TTL: variants seen among roughly 807,000 people sequenced by gnomAD.
The protein encoded by TTL is tubulin tyrosine ligase.
A neutral mutation model predicts 41.1 loss-of-function variants in TTL; 10 were observed. The observed-to-expected ratio is 0.24, with a 90% CI of 0.15 to 0.41. The LOEUF (loss-of-function observed/expected upper bound fraction) is 0.41, where lower values mean the gene tolerates loss of function less well. Ranked by LOEUF, TTL falls within the 10% of genes least tolerant of loss-of-function variation. The probability of loss-of-function intolerance (pLI) is 1.00; values close to 1 mark genes in which losing one functional copy is unlikely to be tolerated. For missense variants in TTL, 367 were observed against 460.4 expected (o/e 0.80, Z 1.86); for synonymous variants, 175 against 175.5 (o/e 1.00, Z 0.02).
At chr2:112,494,964 T>C (rs1574057471) in intron 3 of TTL, among the ~76,000 whole-genome samples, 1 of 152,198 alleles carries the variant, frequency 6.6e-6, no homozygotes, top group Admixed American at 6.5e-5. Context: ...AATCTAATCA[T>C]GTTACTTCCT....
chr2:112,499,565 G>C (rs1418433545), intron 3 of TTL, among the ~76,000 whole-genome samples: 1 of 152,172 alleles, frequency 6.6e-6, no homozygotes, highest in African/African-American at 2.4e-5. Flanking sequence ...ATAGGGCTTG[G>C]CAAAGAGTTC....
At chr2:112,500,319 T>TC (rs1681655122) in intron 3 of TTL, among the ~76,000 whole-genome samples, 1 of 151,844 alleles carries the variant, frequency 6.6e-6, no homozygotes, top group Non-Finnish European at 1.5e-5. Flanking sequence ...ACACCTGTAA[T>TC]CCCAGCACTT....
chr2:112,531,436 A>G lies in TTL; in HGVS notation c.*2641A>G, dbSNP rs1030152555. The G allele has an allele frequency of 2.2e-5, 5 of 229,650 alleles. No homozygotes were observed. Among genetic ancestry groups the G allele is most frequent in the African/African-American group, 8.9e-5 (4 of 45,132 alleles). 14.2% of individuals were successfully genotyped at this position (229,650 alleles called of 1,614,324 possible). ...ATTGCCTGACCCAGGGACTACCTCA[A>G]GGGCTTTTGATGAGGACAAGTGACA... On this transcript the variant is annotated 3_prime_UTR_variant, in exon 7 of 7. Transcript: ENST00000233336.
Position 112,510,497 on chromosome 2 carries a change from A to AT in TTL, c.875+7320dup, listed in dbSNP as rs577683843. On this transcript the variant is annotated intron_variant, in intron 5 of 6. Transcript: ENST00000233336. ...TATTTCTTTTTTTTTTTGAGATAGA[A>AT]TTTTGTTCTTATTGCCCAGGCTGGA... Among the ~76,000 whole-genome samples the AT allele has an allele frequency of 1.9e-3, 283 of 151,604 alleles. 1 individual carries two copies. The highest frequency in any genetic ancestry group is 6.5e-3 in the African/African-American group (267 of 41,294).
At chr2:112,493,343 A>T (rs1681442492) in intron 2 of TTL, among the ~76,000 whole-genome samples, 1 of 149,938 alleles carries the variant, frequency 6.7e-6, no homozygotes, top group South Asian at 2.1e-4. Flanking sequence ...GTTTTGTAGT[A>T]GCTTGAGCTG....
chr2:112,501,516 T>G (rs1287013476), intron 4 of TTL, among the ~76,000 whole-genome samples, 175 bp downstream of exon 4: 1 of 151,742 alleles, frequency 6.6e-6, no homozygotes, highest in African/African-American at 2.4e-5. Flanking sequence ...CTATTTTTCT[T>G]TCTTGTTTTT....
At chr2:112,490,228 C>T (rs1681345102) in intron 2 of TTL, among the ~76,000 whole-genome samples, 1 of 152,068 alleles carries the variant, frequency 6.6e-6, no homozygotes. Context: ...CCAGCCTGGC[C>T]AACATGGTGA....
At chr2:112,520,959 G>A (rs1682209875) in intron 6 of TTL, among the ~76,000 whole-genome samples, 1 of 152,040 alleles carries the variant, frequency 6.6e-6, no homozygotes, top group Non-Finnish European at 1.5e-5. Context: ...CAGGTGGGTG[G>A]GAGATGCCAT....
Position 112,536,465 on chromosome 2 carries a change from G to A in TTL, c.*7670G>A, listed in dbSNP as rs1682600123. The A allele has an allele frequency of 6.6e-6, 1 of 152,152 alleles. No homozygotes were observed. The highest frequency in any genetic ancestry group is 6.5e-5 in the Admixed American group (1 of 15,268). 9.4% of individuals were successfully genotyped at this position (152,152 alleles called of 1,614,324 possible). A position where few individuals can be genotyped will look rare whatever the true frequency, so the allele number is the denominator to read the frequency against. ...AAACAGTAACTCAAAGAGAAGTGGA[G>A]TAGCTATACTAATGTTAGACAACAT... is the stretch of plus-strand genomic sequence containing the variant. On this transcript the variant is annotated 3_prime_UTR_variant, in exon 7 of 7. Transcript: ENST00000233336.
rs1264894802 is a variant in TTL, at chr2:112,482,826, C to T, written c.157+325C>T. Among the ~76,000 whole-genome samples the T allele has an allele frequency of 6.6e-6, 1 of 152,174 alleles. No individual in the cohort carries two copies. The highest frequency in any genetic ancestry group is 2.4e-5 in the African/African-American group (1 of 41,460). Reference sequence around the variant, plus strand: ...CGCGAGTCTAGCGGCTCCCCCGGGCCGAAGCCCCCAGATTTGGCGGGTCCG... The same window carrying T: ...CGCGAGTCTAGCGGCTCCCCCGGGCTGAAGCCCCCAGATTTGGCGGGTCCG... On this transcript the variant is annotated intron_variant, in intron 1 of 6. Transcript: ENST00000233336. This position sits in a 1 kb window ranked among gnomAD's most constrained non-coding sequence, Gnocchi z 5.3.
Position 112,535,481 on chromosome 2 carries a change from ACT to A in TTL, c.*6688_*6689del. 1 of 152,322 alleles carries A rather than the reference ACT, an allele frequency of 6.6e-6. No individual in the cohort carries two copies. Among genetic ancestry groups the A allele is most frequent in the South Asian group, 2.1e-4 (1 of 4,830 alleles). The allele number at this position is 152,322 out of a possible 1,614,324, so 9.4% of individuals were successfully genotyped here. On this transcript the variant is annotated 3_prime_UTR_variant, in exon 7 of 7. Coordinates refer to ENST00000233336, the MANE Select transcript of TTL (RefSeq NM_153712.5). ...GCTCAACAAATTCTAAGCAGGAAAG[ACT>A]CAAAGAGTCCACCTCAAGACACACC...
intron 2 of TTL, among the ~76,000 whole-genome samples, chr2:112,489,560 A>G (rs537268512): frequency 1.3e-5 from 2 of 152,366 alleles, no homozygotes; most frequent in South Asian, 2.1e-4. Flanking sequence ...GATGTATTGA[A>G]TATATTGAAA....
chr2:112,519,543 T>G (rs1431436564), intron 5 of TTL, among the ~76,000 whole-genome samples: 4 of 145,272 alleles, frequency 2.8e-5, no homozygotes, highest in African/African-American at 1.0e-4. Context: ...CATCGTGAGG[T>G]CAACATGTTT....
intron 3 of TTL, among the ~76,000 whole-genome samples, chr2:112,495,148 A>T (rs114014842): frequency 6.6e-6 from 1 of 152,034 alleles, no homozygotes; most frequent in African/African-American, 2.4e-5. Flanking sequence ...GAATATTCCA[A>T]ACTTGTCTCT....
At chr2:112,528,568 C>A in intron 6 of TTL, 113 bp from the exon 7 acceptor site, 1 of 809,554 alleles carries the variant, frequency 1.2e-6, no homozygotes, top group South Asian at 1.6e-5. Context: ...CGCACCACTG[C>A]ATGCCAACTT....
intron 3 of TTL, 69 bp from the exon 4 acceptor site, chr2:112,501,137 C>T (rs1681682976): frequency 2.3e-5 from 35 of 1,507,230 alleles, no homozygotes; most frequent in Non-Finnish European, 3.0e-5. Flanking sequence ...GTTCGTATTT[C>T]CTTTCTGGAT....
rs1419617942 is a variant in TTL at position 112,482,515 on chromosome 2, C to G, written c.157+14C>G. 1.9e-6 allele frequency: 3 copies of G among 1,587,646 alleles called. No individual in the cohort carries two copies. Among genetic ancestry groups the G allele is most frequent in the Non-Finnish European group, 8.6e-7 (1 of 1,165,968 alleles). ...TCGGGAGACTGGGTGAGCCCCTCCC[C>G]GATTCCCGTCTGCCCTCCTCGGAGC... On this transcript the variant is annotated intron_variant, in intron 1 of 6. Coordinates refer to ENST00000233336, the MANE Select transcript of TTL (RefSeq NM_153712.5). The surrounding 1 kb of genome is among the most constrained non-coding windows in gnomAD (Gnocchi z 5.3).
At chr2:112,501,173 G>T in intron 3 of TTL, 33 bp from the exon 4 acceptor site, 1 of 1,588,874 alleles carries the variant, frequency 6.3e-7, no homozygotes, top group Middle Eastern at 1.7e-4. Context: ...GGTTTGAATT[G>T]GATTGGTTTG....
At position 112,534,994 on chromosome 2, in the gene TTL, CAGAA is replaced by C. The variant is rs1682573002; in HGVS notation, c.*6204_*6207del. On this transcript the variant is annotated 3_prime_UTR_variant, in exon 7 of 7. Transcript: ENST00000233336. ...GAAAGAGAAAGGAAAGAAAGGCAGG[CAGAA>C]AGAAGGAGAAAGGGAGGGAGGGAGG... The C allele has an allele frequency of 2.0e-5, 2 of 98,446 alleles. No individual in the cohort carries two copies. Among genetic ancestry groups the C allele is most frequent in the South Asian group, 3.7e-4 (1 of 2,704 alleles). 6.1% of individuals were successfully genotyped at this position (98,446 alleles called of 1,614,324 possible).
Sources: gnomAD v4.1 joint callset for allele counts (sites outside exome capture counted in the v4.1 genomes callset) on GRCh38, gnomAD v4.1.1 for gene constraint, Gnocchi (gnomAD v3.1) non-coding constraint, MANE v1.5 for transcripts, NCBI Gene and HGNC (gene_info 2026-07-23, HGNC 2026-07-21) for gene names.